The following GREB1 variants were observed in gnomAD, a reference collection of about 807,000 sequenced individuals.
GREB1 encodes growth regulating estrogen receptor binding 1.
GREB1 carries 106 observed loss-of-function variants against 200.7 expected under a neutral mutation model. The observed-to-expected ratio is 0.53, with a 90% CI of 0.45 to 0.62. GREB1 has a LOEUF of 0.62. Among genes scored for constraint, GREB1 ranks in the 20% least tolerant of loss-of-function variants. GREB1 has a pLI of 0.00. For synonymous variants in GREB1, 1,132 were observed against 1,092.4 expected (o/e 1.04, Z -0.72); for missense variants, 2,243 against 2,556.8 (o/e 0.88, Z 2.65).
At position 11,631,955 on chromosome 2, in the gene GREB1, G is replaced by A. The variant is rs1267574622; in HGVS notation, c.4658G>A (p.Arg1553His). The change falls in exon 27 of 33, where the codon CGT becomes CAT. Residue 1553 changes from arginine (R) to histidine (H), a missense_variant. This residue lies in a region of GREB1 where 478 missense variants were observed against 616.3 expected (regional missense o/e 0.78). Coordinates refer to ENST00000381486, the MANE Select transcript of GREB1 (RefSeq NM_014668.4). ...CCGACATTCACTCCAACCACCGGCC[G>A]TCACGAACATGGGCTCTTTAATCTG... is the stretch of plus-strand genomic sequence containing the variant. ...KSPTFTPTTG[R>H]HEHGLFNLYH... 6.8e-6 allele frequency: 11 copies of A among 1,613,988 alleles called. No homozygotes were observed. Among genetic ancestry groups the A allele is most frequent in the Non-Finnish European group, 9.3e-6 (11 of 1,179,998 alleles).
At chr2:11,614,420 C>A (rs1051489902) in intron 19 of GREB1, among the ~76,000 whole-genome samples, 3 of 152,080 alleles carry the variant, frequency 2.0e-5, no homozygotes, top group African/African-American at 7.2e-5. Flanking sequence ...AGCCACCACG[C>A]CCAGCCAGAT....
At chr2:11,525,814 G>C (rs961304989) in intron 1 of GREB1, among the ~76,000 whole-genome samples, 1 of 152,104 alleles carries the variant, frequency 6.6e-6, no homozygotes, top group Admixed American at 6.5e-5. Flanking sequence ...TCCTGGCCCC[G>C]GCTCCATCCT....
intron 1 of GREB1, among the ~76,000 whole-genome samples, chr2:11,525,536 T>C (rs559556907): frequency 1.2e-4 from 18 of 150,844 alleles, no homozygotes; most frequent in African/African-American, 4.4e-4. Context: ...GGTCATATTC[T>C]CTTTCCTTTT....
At position 11,488,310 on chromosome 2, in the gene GREB1, A is replaced by G. The variant is rs549020864; in HGVS notation, c.-159+5929A>G. ...CCATGAAGGTGGCCGAGGAGTCTGT[A>G]AGCTCTTAAAATAAAAACAACAGAG... On this transcript the variant is annotated intron_variant, in intron 1 of 2. Coordinates refer to the GREB1 transcript ENST00000628795. 8.5e-5 allele frequency among the ~76,000 whole-genome samples: 13 copies of G among 152,304 alleles called. No homozygotes were observed. The East Asian group carries it at 2.5e-3, about 29-fold the overall frequency.
rs545193287 is a variant in GREB1 at position 11,538,140 on chromosome 2, G to A, written c.-162+3886G>A. ...GGATGCTTCAGAGCTGCAGATGCTC[G>A]CTCGGGCAGAACCTCCAGCGGGTGC... On this transcript the variant is annotated intron_variant, in intron 1 of 32. Transcript: ENST00000381486. Among the ~76,000 whole-genome samples, 11 of 152,268 alleles carry A rather than the reference G, an allele frequency of 7.2e-5. No homozygotes were observed. In the East Asian group the frequency reaches 7.7e-4, roughly 11 times the overall value.
At chr2:11,551,016 G>A (rs1400462429) in intron 1 of GREB1, among the ~76,000 whole-genome samples, 1 of 152,132 alleles carries the variant, frequency 6.6e-6, no homozygotes, top group Non-Finnish European at 1.5e-5. Context: ...GTCCTCTAAA[G>A]GACACAGATT....
chr2:11,532,033 G>A (rs79866742), upstream of GREB1, among the ~76,000 whole-genome samples: 334 of 152,062 alleles, frequency 2.2e-3, 9 homozygotes, highest in East Asian at 0.047. Context: ...CTATTGTTTC[G>A]TACTTTCTGT....
rs1458813527 is a variant in GREB1, at chr2:11,493,290, C to A, written c.-159+10909C>A. The stretch of plus-strand genomic sequence containing the variant: ...CACCAGGGTCCAGTTTCATGGAAGA[C>A]AATTTTTCCACAGACAGGGTGTGGG... On this transcript the variant is annotated intron_variant, in intron 1 of 2. Coordinates refer to the GREB1 transcript ENST00000628795. The surrounding 1 kb of genome is among the most constrained non-coding windows in gnomAD (Gnocchi z 4.6). 6.6e-6 allele frequency among the ~76,000 whole-genome samples: 1 copy of A among 152,156 alleles called. No individual in the cohort carries two copies. The highest frequency in any genetic ancestry group is 2.4e-5 in the African/African-American group (1 of 41,436).
chr2:11,488,110 C>G (rs1448392116), intron 1 of GREB1, among the ~76,000 whole-genome samples: 9 of 152,152 alleles, frequency 5.9e-5, no homozygotes, highest in Admixed American at 5.9e-4. Context: ...TGGTGGTTCT[C>G]AAATTCTAGT....
rs771109807 is a variant in GREB1, at chr2:11,585,222, A to G, written c.963A>G (p.Pro321=). ...KRHKGWSPES[P]SAPDGGCPQG... ...ACAAAGGGTGGTCTCCAGAATCTCC[A>G]TCAGCTCCAGATGGTGGCTGCCCCC... Residue 321 remains proline (P), a synonymous_variant, in exon 8 of 33, where the codon CCA becomes CCG. Transcript: ENST00000381486. The G allele has an allele frequency of 6.3e-7, 1 of 1,584,728 alleles. No homozygotes were observed. The highest frequency in any genetic ancestry group is 8.6e-7 in the Non-Finnish European group (1 of 1,168,236).
At chr2:11,539,795 A>ATTTTTTTTTTTTTTTTTTT (rs66629142) in intron 1 of GREB1, 2 of 121,280 alleles carry the variant, frequency 1.6e-5, no homozygotes, top group Non-Finnish European at 1.7e-5. Context: ...CTACTGCTGA[A>ATTTTTTTTTTTTTTTTTTT]TTTTTTTTTT....
chr2:11,603,340 C>A (rs189740401), intron 17 of GREB1, among the ~76,000 whole-genome samples: 4 of 152,332 alleles, frequency 2.6e-5, no homozygotes, highest in African/African-American at 9.6e-5. Flanking sequence ...GAACCTCATT[C>A]TTCTCATTTG....
intron 11 of GREB1, 97 bp downstream of exon 11, chr2:11,593,223 G>C (rs1455048554): frequency 1.6e-5 from 14 of 864,794 alleles, no homozygotes; most frequent in Non-Finnish European, 2.4e-5. Flanking sequence ...AGGGTGGCCC[G>C]GGTTTGCAGC....
intron 1 of GREB1, among the ~76,000 whole-genome samples, chr2:11,489,401 G>GTGA (rs1181564508): frequency 6.6e-6 from 1 of 152,224 alleles, no homozygotes; most frequent in Non-Finnish European, 1.5e-5. Flanking sequence ...GGAGGTTGCA[G>GTGA]TGAGCCAAGA....
intron 23 of GREB1, among the ~76,000 whole-genome samples, chr2:11,622,529 A>G (rs1684094554): frequency 6.6e-6 from 1 of 152,214 alleles, no homozygotes; most frequent in Admixed American, 6.5e-5. Context: ...TCTACCTTAG[A>G]CACTTAGTAA....
At position 11,552,733 on chromosome 2, in the gene GREB1, C is replaced by T. The variant is rs145199362; in HGVS notation, c.-161-3721C>T. Among the ~76,000 whole-genome samples the T allele has an allele frequency of 1.3e-3, 192 of 152,036 alleles. 2 individuals are homozygous for T. The East Asian group carries it at 0.023, about 18-fold the overall frequency. ...AATAACAAAAAGAGCCGCAGTTGGCCGGGCGCGGTGGCTCACGCCTGTAAT... is the reference window on the plus strand; with the variant it reads ...AATAACAAAAAGAGCCGCAGTTGGCTGGGCGCGGTGGCTCACGCCTGTAAT... On this transcript the variant is annotated intron_variant, in intron 1 of 32. Coordinates refer to ENST00000381486, the MANE Select transcript of GREB1 (RefSeq NM_014668.4).
chr2:11,539,032 TCTTCTCTTC>T (rs1558512775), intron 1 of GREB1, among the ~76,000 whole-genome samples: 1 of 40,732 alleles, frequency 2.5e-5, no homozygotes, highest in Admixed American at 3.3e-4. Flanking sequence ...TCTTCTCTTC[TCTTCTCTTC>T]TCTTCTCTTC....
Position 11,640,199 on chromosome 2 carries a change from T to C in GREB1, c.5687-92T>C. ...GCTTCTGCCCTTCCCAACAGCGCCC[T>C]GTCTTGTCATTGCAAGTAGAATCCG... On this transcript the variant is annotated intron_variant, in intron 32 of 32. Coordinates refer to ENST00000381486, the MANE Select transcript of GREB1 (RefSeq NM_014668.4). This position sits in a 1 kb window ranked among gnomAD's most constrained non-coding sequence, Gnocchi z 4.6. 2.3e-6 allele frequency: 3 copies of C among 1,279,366 alleles called. No individual in the cohort carries two copies. In the South Asian group the frequency reaches 4.3e-5, roughly 18 times the overall value. The allele number at this position is 1,279,366 out of a possible 1,614,324, so 79.3% of individuals were successfully genotyped here.
chr2:11,485,116 C>G (rs990562829), intron 1 of GREB1, among the ~76,000 whole-genome samples: 2 of 151,534 alleles, frequency 1.3e-5, no homozygotes, highest in African/African-American at 4.8e-5. Context: ...CTTGAGCCAC[C>G]GCGCCTGGCC....
Sources: gnomAD v4.1 joint callset for allele counts (sites outside exome capture counted in the v4.1 genomes callset) on GRCh38, gnomAD v4.1.1 for gene constraint, gnomAD v4.1.1 regional missense constraint, Gnocchi (gnomAD v3.1) non-coding constraint, MANE v1.5 for transcripts, NCBI Gene and HGNC (gene_info 2026-07-23, HGNC 2026-07-21) for gene names.